STRADB: variants seen among roughly 807,000 people sequenced by gnomAD.
STRADB encodes the protein STE20-related kinase adapter protein beta.
STRADB carries 34 observed loss-of-function variants against 52.1 expected under a neutral mutation model. The ratio of observed to expected loss-of-function variants is 0.65; its 90% confidence interval spans 0.50 to 0.87. The LOEUF is 0.87. Among genes scored for constraint, STRADB ranks in the 40% least tolerant of loss-of-function variants. The pLI, the probability that STRADB is intolerant of heterozygous loss-of-function variation, is 0.00. For synonymous variants in STRADB, 133 were observed against 174.5 expected, an observed-to-expected ratio of 0.76 and a Z score of 1.87; for missense variants, 340 against 483.9, an observed-to-expected ratio of 0.70 and a Z score of 2.79.
rs546428829 is a variant in STRADB at position 201,470,737 on chromosome 2, C to T, written c.193+685C>T. ...AGAAGATGGAGCATACAACGAACCACCTCTGGGAGTTAAGAGAGATGGCAA... is the reference window on the plus strand; with the variant it reads ...AGAAGATGGAGCATACAACGAACCATCTCTGGGAGTTAAGAGAGATGGCAA... On this transcript the variant is annotated intron_variant, in intron 4 of 11. Transcript: ENST00000194530. Among the ~76,000 whole-genome samples the T allele has an allele frequency of 4.6e-5, 7 of 152,258 alleles. No individual in the cohort carries two copies. In the South Asian group the frequency reaches 1.5e-3, roughly 32 times the overall value.
At chr2:201,454,528 C>A (rs1162623311) in intron 1 of STRADB, among the ~76,000 whole-genome samples, 1 of 152,178 alleles carries the variant, frequency 6.6e-6, no homozygotes, top group African/African-American at 2.4e-5. Flanking sequence ...TGTTTTCACT[C>A]TGCTTCTTGG....
At chr2:201,463,696 C>T (rs1952253631) in intron 3 of STRADB, among the ~76,000 whole-genome samples, 1 of 152,170 alleles carries the variant, frequency 6.6e-6, no homozygotes, top group South Asian at 2.1e-4. Context: ...ATTTCTTTCT[C>T]TACCTCCTCT....
rs985846572 is a variant in STRADB, at chr2:201,480,489, A to G, written c.*314A>G. The G allele has an allele frequency of 5.6e-6, 6 of 1,077,090 alleles. No individual in the cohort carries two copies. In the African/African-American group the frequency reaches 1.0e-4, roughly 18 times the overall value. 66.7% of individuals were successfully genotyped at this position (1,077,090 alleles called of 1,614,324 possible). ...TTTGAGCCAGTTAATTTTTTTCAGT[A>G]TTTTGCTGTCCCTTGGGAATGGGCC... On this transcript the variant is annotated 3_prime_UTR_variant, in exon 12 of 12. Coordinates refer to ENST00000194530, the MANE Select transcript of STRADB (RefSeq NM_018571.6).
chr2:201,478,644 T>C, intron 10 of STRADB, 43 bp downstream of exon 10: 1 of 1,587,750 alleles, frequency 6.3e-7, no homozygotes, highest in Non-Finnish European at 8.6e-7. Context: ...GTACATGTTT[T>C]ACATTTTATA....
At chr2:201,477,975 T>C (rs1952506381) in intron 8 of STRADB, 112 bp from the exon 9 acceptor site, 1 of 1,175,146 alleles carries the variant, frequency 8.5e-7, no homozygotes, top group Non-Finnish European at 1.2e-6. Context: ...ATTTGTCGCT[T>C]ATGGGTTTCT....
chr2:201,460,582 AT>A (rs1952198387), intron 3 of STRADB, among the ~76,000 whole-genome samples: 1 of 151,888 alleles, frequency 6.6e-6, no homozygotes, highest in African/African-American at 2.4e-5. Context: ...AATTGTTTTA[AT>A]TTTTAGCTCC....
chr2:201,459,130 A>G lies in STRADB; in HGVS notation c.93+266A>G, dbSNP rs146491550. ...TCCTCCTGCCATTTTCCAGGAGTCT[A>G]TAACTGGCCATTTCTCTTCTTCCTA... On this transcript the variant is annotated intron_variant, in intron 3 of 11. Transcript: ENST00000194530. Among the ~76,000 whole-genome samples, 15 of 152,240 alleles carry G rather than the reference A, an allele frequency of 9.9e-5. No individual in the cohort carries two copies. The East Asian group carries it at 2.9e-3, about 29-fold the overall frequency.
chr2:201,460,369 C>T (rs1009201990), intron 3 of STRADB, among the ~76,000 whole-genome samples: 7 of 152,006 alleles, frequency 4.6e-5, no homozygotes, highest in Non-Finnish European at 8.8e-5. Flanking sequence ...AAGCATAAAT[C>T]ATTTCTTTGT....
At chr2:201,468,085 C>CTTTTCTTTTTTTTTTTT (rs1559465545) in intron 3 of STRADB, among the ~76,000 whole-genome samples, 20 of 70,950 alleles carry the variant, frequency 2.8e-4, no homozygotes, top group Non-Finnish European at 5.6e-4. Context: ...TTTTTTTTTT[C>CTTTTCTTTTTTTTTTTT]TTTTTTTTTT....
chr2:201,464,743 G>A (rs1048231302), intron 3 of STRADB, among the ~76,000 whole-genome samples: 2 of 152,230 alleles, frequency 1.3e-5, no homozygotes, highest in African/African-American at 4.8e-5. Context: ...CCATGGGTCA[G>A]GAACCTTAGG....
intron 4 of STRADB, among the ~76,000 whole-genome samples, chr2:201,472,594 C>T (rs1952407536): frequency 6.6e-6 from 1 of 152,068 alleles, no homozygotes; most frequent in African/African-American, 2.4e-5. Flanking sequence ...ATGGGATTGC[C>T]GAGTAGCATT....
intron 3 of STRADB, among the ~76,000 whole-genome samples, chr2:201,468,085 CTTTTTTTTTTTTTT>C (rs536551120): frequency 1.4e-5 from 1 of 71,036 alleles, no homozygotes; most frequent in Non-Finnish European, 2.9e-5. Flanking sequence ...TTTTTTTTTT[CTTTTTTTTTTTTTT>C]TTTTTTTTTG....
chr2:201,479,625 A>C, intron 11 of STRADB, 94 bp downstream of exon 11: 2 of 1,244,852 alleles, frequency 1.6e-6, no homozygotes, highest in Non-Finnish European at 2.3e-6. Context: ...TTGGTTACCA[A>C]GGTTCTTACT....
At chr2:201,456,816 T>A (rs1270346735) in intron 2 of STRADB, among the ~76,000 whole-genome samples, 1 of 152,200 alleles carries the variant, frequency 6.6e-6, no homozygotes, top group Non-Finnish European at 1.5e-5. Context: ...GGAAAAGGTA[T>A]GTGGGGTGAA....
At chr2:201,477,823 G>A (rs1216810123) in intron 8 of STRADB, 33 bp downstream of exon 8, 1 of 1,600,392 alleles carries the variant, frequency 6.2e-7, no homozygotes, top group Non-Finnish European at 8.6e-7. Context: ...GGTTGTCTGT[G>A]TCTCAAGTGT....
rs1952042496 is a variant in STRADB at position 201,451,744 on chromosome 2, C to CTGGGG, written c.-290_-289insTGGGG. On this transcript the variant is annotated 5_prime_UTR_variant, in exon 1 of 12. Coordinates refer to ENST00000194530, the MANE Select transcript of STRADB (RefSeq NM_018571.6). ...CGGCGCGGGTGGGGCGAATGCGTTC[C>CTGGGG]CAGCGGGTAGCCTGGGACTGGTGCA... The CTGGGG allele has an allele frequency of 5.3e-5, 8 of 152,068 alleles. No homozygotes were observed. Among genetic ancestry groups the CTGGGG allele is most frequent in the Non-Finnish European group, 7.4e-5 (5 of 68,000 alleles). The allele number at this position is 152,068 out of a possible 1,614,324, so 9.4% of individuals were successfully genotyped here.
chr2:201,465,356 T>C (rs1319524805), intron 3 of STRADB, among the ~76,000 whole-genome samples: 1 of 152,168 alleles, frequency 6.6e-6, no homozygotes, highest in Non-Finnish European at 1.5e-5. Context: ...GGGAGCAGTT[T>C]CCCTTCTGGC....
At chr2:201,452,616 G>A (rs1952064088) in intron 1 of STRADB, among the ~76,000 whole-genome samples, 1 of 152,150 alleles carries the variant, frequency 6.6e-6, no homozygotes, top group Admixed American at 6.5e-5. Context: ...ACTGTGCGTC[G>A]CTATGATCTT....
At position 201,473,028 on chromosome 2, in the gene STRADB, A is replaced by G. The variant is rs1478305637; in HGVS notation, c.267A>G (p.Lys89=). 1 of 1,612,998 alleles carries G rather than the reference A, an allele frequency of 6.2e-7. No individual in the cohort carries two copies. The highest frequency in any genetic ancestry group is 8.5e-7 in the Non-Finnish European group (1 of 1,179,710). ...CCACAGGAACACTGGTAACTATAAA[A>G]ATTACAAATCTGGAAAACTGCAATG... ...HTPTGTLVTI[K]ITNLENCNEE... Residue 89 remains lysine, a synonymous_variant, in exon 5 of 12, where the codon AAA becomes AAG. Transcript: ENST00000194530.
Sources: gnomAD v4.1 joint callset for allele counts (sites outside exome capture counted in the v4.1 genomes callset) on GRCh38, gnomAD v4.1.1 for gene constraint, MANE v1.5 for transcripts, NCBI Gene and HGNC (gene_info 2026-07-23, HGNC 2026-07-21) for gene names.